Variants in RCL1 observed in about 807,000 individuals in gnomAD.
The protein encoded by RCL1 is RNA 3'-terminal phosphate cyclase-like protein.
RCL1 carries 24 observed loss-of-function variants against 42.4 expected under a neutral mutation model. That is an observed-to-expected ratio of 0.57 (90% CI 0.41 to 0.80). RCL1 has a LOEUF of 0.80. Ranked by LOEUF, RCL1 falls within the 30% of genes least tolerant of loss-of-function variation. RCL1 has a pLI of 0.00. For missense variants in RCL1, 578 were observed against 467.9 expected (o/e 1.24, Z -2.17); for synonymous variants, 228 against 177.3 (o/e 1.29, Z -2.27).
At chr9:4,820,594 T>C (rs537697184) in intron 1 of RCL1, among the ~76,000 whole-genome samples, 6 of 152,366 alleles carry the variant, frequency 3.9e-5, no homozygotes, top group African/African-American at 1.4e-4. Context: ...CTTTTTTCTT[T>C]TCTAATTTGT....
intron 1 of RCL1, among the ~76,000 whole-genome samples, chr9:4,801,817 C>G (rs942488108): frequency 1.3e-5 from 2 of 149,232 alleles, no homozygotes; most frequent in African/African-American, 4.9e-5. Context: ...TGCCTTTGTA[C>G]AAAATCAGTT....
intron 1 of RCL1, among the ~76,000 whole-genome samples, chr9:4,808,326 A>C (rs1036320699): frequency 2.0e-5 from 3 of 151,770 alleles, no homozygotes; most frequent in African/African-American, 7.3e-5. Context: ...TATTTTTTTT[A>C]AGACAGGGTC....
intron 1 of RCL1, among the ~76,000 whole-genome samples, chr9:4,799,307 C>CT (rs1462835374): frequency 6.6e-6 from 1 of 151,936 alleles, no homozygotes; most frequent in Admixed American, 6.6e-5. Context: ...TATCTACCAT[C>CT]TTTTTTAAGA....
chr9:4,825,373 A>T (rs1363196157), intron 2 of RCL1, among the ~76,000 whole-genome samples: 1 of 152,110 alleles, frequency 6.6e-6, no homozygotes, highest in Non-Finnish European at 1.5e-5. Context: ...GCATTTAGTG[A>T]ATATATAGTC....
chr9:4,832,275 C>A (rs780379957), intron 3 of RCL1, among the ~76,000 whole-genome samples: 1 of 152,138 alleles, frequency 6.6e-6, no homozygotes, highest in African/African-American at 2.4e-5. Flanking sequence ...TGAGTTTGTG[C>A]TGCTTCCTGT....
intron 1 of RCL1, among the ~76,000 whole-genome samples, chr9:4,819,574 C>G (rs572643343): frequency 2.0e-5 from 3 of 152,064 alleles, no homozygotes; most frequent in African/African-American, 7.2e-5. Flanking sequence ...TTTGGGAGGT[C>G]GAGGCGGGGG....
chr9:4,851,536 T>G (rs975282096), intron 8 of RCL1, among the ~76,000 whole-genome samples: 1 of 152,244 alleles, frequency 6.6e-6, no homozygotes, highest in African/African-American at 2.4e-5. Flanking sequence ...ACATTGTATT[T>G]GTGAGTACAG....
chr9:4,847,933 A>T (rs563582479), intron 7 of RCL1, among the ~76,000 whole-genome samples: 92 of 152,294 alleles, frequency 6.0e-4, no homozygotes, highest in African/African-American at 2.0e-3. Flanking sequence ...CTGAGTCCTA[A>T]AGCCCTCCTC....
rs1027129487 is a variant in RCL1 at position 4,860,497 on chromosome 9, A to G, written c.*222A>G. ...ATTGCCCAGGAGGGGCCCAGTCACC[A>G]TGAGAGCTCCCTTGCCTTACCTGGA... is the stretch of plus-strand genomic sequence containing the variant. On this transcript the variant is annotated 3_prime_UTR_variant, in exon 9 of 9. Coordinates refer to ENST00000381750, the MANE Select transcript of RCL1 (RefSeq NM_005772.5). 10 of 513,130 alleles carry G rather than the reference A, an allele frequency of 1.9e-5. No individual in the cohort carries two copies. The highest frequency in any genetic ancestry group is 4.0e-5 in the African/African-American group (2 of 49,612). The allele number at this position is 513,130 out of a possible 1,614,324, so 31.8% of individuals were successfully genotyped here.
rs373771810 is a variant in RCL1 at position 4,810,202 on chromosome 9, G to A, written c.137-13346G>A. Among the ~76,000 whole-genome samples the A allele has an allele frequency of 1.6e-3, 249 of 152,084 alleles. 1 individual carries two copies. The highest frequency in any genetic ancestry group is 3.6e-3 in the Admixed American group (55 of 15,270). The stretch of plus-strand genomic sequence containing the variant: ...TTTTTAAGTAAATTTTTACCGAAGC[G>A]TACCATATATTAAGAAAAGTGCGTA... On this transcript the variant is annotated intron_variant, in intron 1 of 8. Transcript: ENST00000381750.
chr9:4,799,465 A>G (rs949082035), intron 1 of RCL1, among the ~76,000 whole-genome samples: 1 of 152,210 alleles, frequency 6.6e-6, no homozygotes, highest in Non-Finnish European at 1.5e-5. Context: ...GGATATTGAC[A>G]TTGATACAGT....
At chr9:4,794,387 G>T (rs941525565) in intron 1 of RCL1, among the ~76,000 whole-genome samples, 2 of 152,190 alleles carry the variant, frequency 1.3e-5, no homozygotes, top group Non-Finnish European at 2.9e-5. Flanking sequence ...TTGTGTTGGT[G>T]GTTCCTGTCC....
At chr9:4,832,141 A>G (rs1816962362) in intron 3 of RCL1, among the ~76,000 whole-genome samples, 1 of 152,244 alleles carries the variant, frequency 6.6e-6, no homozygotes, top group South Asian at 2.1e-4. Context: ...TACTCTTATC[A>G]GGAATCCACA....
At chr9:4,831,469 G>A (rs1368783069) in intron 3 of RCL1, among the ~76,000 whole-genome samples, 9 of 152,050 alleles carry the variant, frequency 5.9e-5, no homozygotes, top group African/African-American at 7.2e-5. Flanking sequence ...TTAAGTTTTT[G>A]AGTGTGCTTT....
At chr9:4,834,397 G>A in intron 5 of RCL1, 132 bp downstream of exon 5, 15 of 936,196 alleles carry the variant, frequency 1.6e-5, no homozygotes, top group Non-Finnish European at 2.1e-5. Context: ...AGTCTTAACA[G>A]TGAAATTGTA....
intron 1 of RCL1, among the ~76,000 whole-genome samples, chr9:4,793,708 G>T (rs1025180588): frequency 1.3e-5 from 2 of 152,220 alleles, no homozygotes; most frequent in African/African-American, 4.8e-5. Flanking sequence ...GACACCGGCT[G>T]TTCCTGTCGC....
At chr9:4,821,450 G>T (rs886676419) in intron 1 of RCL1, among the ~76,000 whole-genome samples, 1 of 152,092 alleles carries the variant, frequency 6.6e-6, no homozygotes, top group African/African-American at 2.4e-5. Flanking sequence ...AATCCATTTC[G>T]TTTTGCTATA....
chr9:4,793,097 G>T lies in RCL1; in HGVS notation c.6G>T (p.Ala2=), dbSNP rs1280524297. 6.2e-7 allele frequency: 1 copy of T among 1,609,316 alleles called. No individual in the cohort carries two copies. Among genetic ancestry groups the T allele is most frequent in the South Asian group, 1.1e-5 (1 of 90,118 alleles). The stretch of plus-strand genomic sequence containing the variant: ...TCTCTTCGGAGAGCGCGCACATGGC[G>T]ACTCAGGCGCACTCCCTCAGCTACG... M[A]TQAHSLSYAG... is the part of the protein sequence containing the mutation. Residue 2 remains alanine, a synonymous_variant, in exon 1 of 9, where the codon GCG becomes GCT. Transcript: ENST00000381750.
At chr9:4,844,305 C>G (rs906421443) in intron 6 of RCL1, among the ~76,000 whole-genome samples, 1 of 152,060 alleles carries the variant, frequency 6.6e-6, no homozygotes, top group Admixed American at 6.6e-5. Context: ...ATTGAGCTGT[C>G]AAATCTTAAA....
Sources: allele counts gnomAD v4.1 joint callset (sites outside exome capture counted in the v4.1 genomes callset), GRCh38; gene constraint gnomAD v4.1.1; transcripts MANE v1.5; gene names NCBI Gene and HGNC (gene_info 2026-07-23, HGNC 2026-07-21).